The following DLGAP2 variants were observed in gnomAD, a reference collection of about 807,000 sequenced individuals.
DLGAP2 encodes disks large-associated protein 2.
A neutral mutation model predicts 100.3 loss-of-function variants in DLGAP2; 26 were observed. The ratio of observed to expected loss-of-function variants is 0.26; its 90% CI spans 0.19 to 0.36. The LOEUF is 0.36. DLGAP2 is among the 10% of genes least tolerant of loss of function. DLGAP2 has a pLI of 1.00. For synonymous variants in DLGAP2, 886 were observed against 630.1 expected (o/e 1.41, Z -6.08); for missense variants, 1,858 against 1,453.2 (o/e 1.28, Z -4.53).
intron 4 of DLGAP2, among the ~76,000 whole-genome samples, chr8:1,515,256 T>C (rs1456537488): frequency 3.9e-5 from 6 of 152,174 alleles, no homozygotes; most frequent in African/African-American, 1.4e-4. Context: ...GTGTCTTTCT[T>C]TCTTTTGAAG....
intron 2 of DLGAP2, among the ~76,000 whole-genome samples, chr8:1,090,527 A>C (rs1206264187): frequency 6.6e-6 from 1 of 152,244 alleles, no homozygotes; most frequent in Non-Finnish European, 1.5e-5. Context: ...GCAGTCCAGA[A>C]ATTCAGGGCC....
chr8:1,042,827 G>A, intron 2 of DLGAP2, among the ~76,000 whole-genome samples: 1 of 131,740 alleles, frequency 7.6e-6, no homozygotes, highest in Non-Finnish European at 1.6e-5. Context: ...TGTGGGTGGT[G>A]GGTGTGGGTG....
At chr8:1,267,780 G>A (rs1012783515) in intron 3 of DLGAP2, among the ~76,000 whole-genome samples, 8 of 151,922 alleles carry the variant, frequency 5.3e-5, no homozygotes, top group South Asian at 2.1e-4. Context: ...GCAGATGTCT[G>A]TTGGGGCAGA....
chr8:1,174,697 A>C (rs1482527351), intron 2 of DLGAP2, among the ~76,000 whole-genome samples: 1 of 132,434 alleles, frequency 7.6e-6, no homozygotes, highest in Non-Finnish European at 1.5e-5. Context: ...CATTACCATC[A>C]CCACCACTAT....
chr8:1,641,892 C>T (rs1417982068), intron 8 of DLGAP2, among the ~76,000 whole-genome samples: 1 of 129,742 alleles, frequency 7.7e-6, no homozygotes, highest in South Asian at 2.6e-4. Context: ...CGGTCCTCAC[C>T]TGTGTCACCC....
intron 7 of DLGAP2, among the ~76,000 whole-genome samples, chr8:1,632,302 C>G (rs1461533735): frequency 6.6e-6 from 1 of 152,098 alleles, no homozygotes; most frequent in Non-Finnish European, 1.5e-5. Flanking sequence ...AGTTTAGAAG[C>G]CAAATTTGTG....
chr8:842,217 G>A (rs1227912067), intron 1 of DLGAP2, among the ~76,000 whole-genome samples: 1 of 152,156 alleles, frequency 6.6e-6, no homozygotes, highest in East Asian at 1.9e-4. Context: ...TCTGGAGTTT[G>A]TTGTCTAGAA....
intron 3 of DLGAP2, among the ~76,000 whole-genome samples, chr8:1,294,479 C>T (rs909308722): frequency 2.6e-5 from 4 of 152,126 alleles, no homozygotes; most frequent in East Asian, 3.9e-4. Flanking sequence ...CTCACCGTCA[C>T]GTTCTAAGTG....
chr8:1,606,960 C>T (rs1310990897), intron 6 of DLGAP2, among the ~76,000 whole-genome samples: 2 of 152,208 alleles, frequency 1.3e-5, no homozygotes, highest in African/African-American at 2.4e-5. Context: ...GCTGGGATTA[C>T]AGGCGTGAGC....
At chr8:1,358,709 G>T (rs1018876495) in intron 3 of DLGAP2, among the ~76,000 whole-genome samples, 1 of 152,014 alleles carries the variant, frequency 6.6e-6, no homozygotes. Flanking sequence ...TATCCCCACT[G>T]TGTAATCTGG....
chr8:1,061,043 G>A (rs747368927), intron 2 of DLGAP2, among the ~76,000 whole-genome samples: 11 of 152,178 alleles, frequency 7.2e-5, no homozygotes, highest in Admixed American at 5.9e-4. Context: ...GTTCCCCCAC[G>A]TGGGCAGAGG....
At chr8:808,302 C>T (rs868580937) in intron 1 of DLGAP2, among the ~76,000 whole-genome samples, 14 of 152,174 alleles carry the variant, frequency 9.2e-5, no homozygotes, top group Admixed American at 3.3e-4. Flanking sequence ...GGGGCCTGTG[C>T]ACCACGCCAG....
chr8:1,333,475 A>G (rs1801203607), intron 3 of DLGAP2, among the ~76,000 whole-genome samples: 1 of 152,118 alleles, frequency 6.6e-6, no homozygotes, highest in African/African-American at 2.4e-5. Context: ...TTGTCTAAAT[A>G]GCGATGTTTT....
chr8:1,158,775 C>T (rs966600717), intron 2 of DLGAP2, among the ~76,000 whole-genome samples: 8 of 152,214 alleles, frequency 5.3e-5, no homozygotes, highest in Non-Finnish European at 1.5e-5. Context: ...TTGAAGTCTC[C>T]TCCATGATTC....
At chr8:1,184,336 G>A (rs563410046) in intron 2 of DLGAP2, among the ~76,000 whole-genome samples, 10 of 152,380 alleles carry the variant, frequency 6.6e-5, no homozygotes, top group East Asian at 1.9e-4. Flanking sequence ...AGATGCGTCC[G>A]AAACGCAGAC....
At chr8:1,599,594 C>T (rs1387331616) in intron 6 of DLGAP2, among the ~76,000 whole-genome samples, 5 of 152,152 alleles carry the variant, frequency 3.3e-5, no homozygotes, top group Non-Finnish European at 7.4e-5. Context: ...ATAGTTAGCT[C>T]TTCTTGTTGC....
intron 6 of DLGAP2, among the ~76,000 whole-genome samples, chr8:1,608,438 G>GA (rs1462657139): frequency 2.2e-5 from 1 of 45,502 alleles, no homozygotes; most frequent in Non-Finnish European, 4.6e-5. Context: ...CAAAGATGGG[G>GA]AAAAAACAGA....
chr8:1,467,631 C>T (rs1288129751), intron 3 of DLGAP2, among the ~76,000 whole-genome samples: 3 of 152,146 alleles, frequency 2.0e-5, no homozygotes, highest in Middle Eastern at 3.2e-3. Context: ...GACAGACTGC[C>T]CTGCCCACCT....
chr8:1,073,080 A>G (rs2129037718), intron 2 of DLGAP2, among the ~76,000 whole-genome samples: 1 of 152,340 alleles, frequency 6.6e-6, no homozygotes, highest in East Asian at 1.9e-4. Context: ...CCAAGAGAAT[A>G]AAAGCCCACT....
Sources: allele counts gnomAD v4.1 joint callset (sites outside exome capture counted in the v4.1 genomes callset), GRCh38; gene constraint gnomAD v4.1.1; transcripts MANE v1.5; gene names NCBI Gene and HGNC (gene_info 2026-07-23, HGNC 2026-07-21).